Variants in SEPTIN6 observed in about 807,000 individuals in gnomAD.
SEPTIN6 encodes septin-6.
A neutral mutation model predicts 33.6 loss-of-function variants in SEPTIN6; 8 were observed. That is an observed-to-expected ratio of 0.24 (90% CI 0.14 to 0.43). The LOEUF (loss-of-function observed/expected upper bound fraction) is 0.43, where lower values mean the gene tolerates loss of function less well. Among genes scored for constraint, SEPTIN6 ranks in the 20% least tolerant of loss-of-function variants. The probability of loss-of-function intolerance (pLI) is 1.00; values close to 1 mark genes in which losing one functional copy is unlikely to be tolerated. For synonymous variants in SEPTIN6, 131 were observed against 140.0 expected (o/e 0.94, Z 0.45); for missense variants, 250 against 340.8 (o/e 0.73, Z 2.10).
At position 119,618,884 on chromosome X, in the gene SEPTIN6, T is replaced by G; in HGVS notation, c.*1209A>C. 8.5e-7 allele frequency: 1 copy of G among 1,178,864 alleles called. No homozygotes were observed. Among genetic ancestry groups the G allele is most frequent in the South Asian group, 2.0e-5 (1 of 49,900 alleles). ...TCACTGGCCAAACACCAAAGGCCAC[T>G]GTGCCTCATAACCCTGACAAGGGAG... On this transcript the variant is annotated 3_prime_UTR_variant, in exon 11 of 11. Coordinates refer to ENST00000394610, the MANE Select transcript of SEPTIN6 (RefSeq NM_145799.4).
At chrX:119,630,053 G>A (rs1390103713) in intron 8 of SEPTIN6, among the ~76,000 whole-genome samples, 2 of 111,937 alleles carry the variant, frequency 1.8e-5, no homozygotes, top group African/African-American at 6.5e-5. Context: ...CCAGGAGGCG[G>A]AGGTTGCAGT....
At chrX:119,668,859 T>C (rs982928658) in intron 2 of SEPTIN6, among the ~76,000 whole-genome samples, 1 of 111,260 alleles carries the variant, frequency 9.0e-6, no homozygotes, top group Non-Finnish European at 1.9e-5. Context: ...TAGTGGTGAT[T>C]TGTGAGATTT....
intron 2 of SEPTIN6, among the ~76,000 whole-genome samples, chrX:119,669,486 T>G (rs1275008331): frequency 1.8e-5 from 2 of 112,212 alleles, no homozygotes; most frequent in Non-Finnish European, 3.8e-5. Flanking sequence ...AGGGACAAGG[T>G]TATGCCTGGC....
chrX:119,627,944 G>A (rs941121436), intron 9 of SEPTIN6, among the ~76,000 whole-genome samples: 14 of 105,748 alleles, frequency 1.3e-4, no homozygotes, highest in East Asian at 8.9e-4. Context: ...GATTACAGGC[G>A]CACGCCACCA....
rs1331629547 is a variant in SEPTIN6, at chrX:119,633,608, G to GT, written c.957-117dup. The GT allele has an allele frequency of 8.3e-6, 8 of 966,971 alleles. No individual in the cohort carries two copies. The African/African-American group carries it at 1.6e-4, about 19-fold the overall frequency. The allele number at this position is 966,971 out of a possible 1,213,427, so 79.7% of individuals were successfully genotyped here. ...CCTCCCTTCCCCAGTTGTGAGCCAG[G>GT]TACAAAAATAGAACCACAAAGCTGT... On this transcript the variant is annotated intron_variant, in intron 7 of 10. Transcript: ENST00000394610.
intron 3 of SEPTIN6, among the ~76,000 whole-genome samples, chrX:119,658,073 G>A (rs934748189): frequency 2.7e-5 from 3 of 112,031 alleles, no homozygotes; most frequent in Non-Finnish European, 5.6e-5. Context: ...CTTGCAGTAA[G>A]CCGAGATAGC....
chrX:119,624,964 G>C, intron 10 of SEPTIN6, among the ~76,000 whole-genome samples: 1 of 111,219 alleles, frequency 9.0e-6, no homozygotes, highest in Non-Finnish European at 1.9e-5. Flanking sequence ...GCCCTCCTCG[G>C]CCTACCAAAG....
intron 6 of SEPTIN6, among the ~76,000 whole-genome samples, chrX:119,639,033 CTG>C (rs915916643): frequency 8.9e-6 from 1 of 112,454 alleles, no homozygotes; most frequent in African/African-American, 3.2e-5. Context: ...GGGTGGGACA[CTG>C]TGGGTCCAGA....
chrX:119,632,264 C>T (rs923769842), intron 8 of SEPTIN6, among the ~76,000 whole-genome samples: 28 of 109,575 alleles, frequency 2.6e-4, no homozygotes, highest in Admixed American at 3.9e-4. Context: ...GGCGCGATCT[C>T]GGCTCACTGC....
intron 1 of SEPTIN6, among the ~76,000 whole-genome samples, chrX:119,689,833 C>T (rs897314174): frequency 9.1e-6 from 1 of 109,905 alleles, no homozygotes; most frequent in South Asian, 3.9e-4. Flanking sequence ...AGGGTTCAAG[C>T]GATTCTTCTG....
intron 6 of SEPTIN6, among the ~76,000 whole-genome samples, chrX:119,638,357 G>T (rs1245425990): frequency 8.9e-6 from 1 of 112,059 alleles, no homozygotes; most frequent in Non-Finnish European, 1.9e-5. Flanking sequence ...TGTGGACCAA[G>T]TCATAGCAAA....
At chrX:119,643,255 G>A (rs1383079605) in intron 5 of SEPTIN6, among the ~76,000 whole-genome samples, 1 of 110,133 alleles carries the variant, frequency 9.1e-6, no homozygotes, top group Non-Finnish European at 1.9e-5. Context: ...AAGAGCCAAG[G>A]GGTGGCGAAT....
chrX:119,690,342 TACACATACAC>T (rs1188639490), intron 1 of SEPTIN6, among the ~76,000 whole-genome samples: 1 of 69,376 alleles, frequency 1.4e-5, no homozygotes, highest in Non-Finnish European at 2.4e-5. Flanking sequence ...CCCACATACA[TACACATACAC>T]ACACACACAC....
intron 1 of SEPTIN6, among the ~76,000 whole-genome samples, chrX:119,690,752 T>C (rs1187914157): frequency 9.5e-6 from 1 of 105,174 alleles, no homozygotes; most frequent in African/African-American, 3.5e-5. Flanking sequence ...AAAAAAGAAT[T>C]CCTAAGCTAG....
Position 119,617,693 on chromosome X carries a change from GT to G in SEPTIN6, c.*2399del. The G allele has an allele frequency of 1.3e-6, 1 of 799,201 alleles. No individual in the cohort carries two copies. Among genetic ancestry groups the G allele is most frequent in the Non-Finnish European group, 1.5e-6 (1 of 663,875 alleles). The allele number at this position is 799,201 out of a possible 1,213,427, so 65.9% of individuals were successfully genotyped here. ...AATCCCTTTGTGAAACTGATTGGGA[GT>G]CAGGAGGCATGAAAATTAGTCTGGC... On this transcript the variant is annotated 3_prime_UTR_variant, in exon 11 of 11. Coordinates refer to ENST00000394610, the MANE Select transcript of SEPTIN6 (RefSeq NM_145799.4).
intron 10 of SEPTIN6, 47 bp downstream of exon 10, chrX:119,625,288 T>C (rs369786518): frequency 4.3e-6 from 4 of 922,005 alleles, no homozygotes; most frequent in East Asian, 6.2e-5. Context: ...GGGGGAGATA[T>C]GTTCTAGAAG....
intron 2 of SEPTIN6, among the ~76,000 whole-genome samples, chrX:119,668,319 A>G (rs1372502860): frequency 1.3e-5 from 1 of 77,430 alleles, no homozygotes; most frequent in Non-Finnish European, 2.2e-5. Context: ...AGACAGAGAG[A>G]GAGAGAGAGA....
chrX:119,638,124 T>C (rs1042163860), intron 6 of SEPTIN6, among the ~76,000 whole-genome samples: 7 of 111,596 alleles, frequency 6.3e-5, no homozygotes, highest in Non-Finnish European at 1.3e-4. Flanking sequence ...AGGATATTGA[T>C]AGATGACAGT....
At chrX:119,637,334 CCT>C in intron 6 of SEPTIN6, 139 bp from the exon 7 acceptor site, 2 of 500,713 alleles carry the variant, frequency 4.0e-6, no homozygotes. Flanking sequence ...AAATTTACCT[CCT>C]CTCTTTTCTA....
Sources: gnomAD v4.1 joint callset for allele counts (sites outside exome capture counted in the v4.1 genomes callset) on GRCh38, gnomAD v4.1.1 for gene constraint, MANE v1.5 for transcripts, NCBI Gene and HGNC (gene_info 2026-07-23, HGNC 2026-07-21) for gene names.